ATP13A4: variants seen among roughly 807,000 people sequenced by gnomAD.
ATP13A4 encodes the protein probable cation-transporting ATPase 13A4.
In ATP13A4, 114 loss-of-function variants were observed where a neutral mutation model predicts 142.5. The observed-to-expected ratio is 0.80, with a 90% CI of 0.69 to 0.93. ATP13A4 has a LOEUF of 0.93. Among genes scored for constraint, ATP13A4 ranks in the 40% least tolerant of loss-of-function variants. ATP13A4 has a pLI of 0.00. For synonymous variants in ATP13A4, 488 were observed against 514.8 expected, an observed-to-expected ratio of 0.95 and a Z score of 0.70; for missense variants, 1,392 against 1,454.0, an observed-to-expected ratio of 0.96 and a Z score of 0.69.
intron 1 of ATP13A4, among the ~76,000 whole-genome samples, chr3:193,547,971 G>A (rs1234017693): frequency 6.6e-6 from 1 of 152,200 alleles, no homozygotes; most frequent in Non-Finnish European, 1.5e-5. Flanking sequence ...GGTTAGCACA[G>A]AGGACTCCTG....
intron 26 of ATP13A4, among the ~76,000 whole-genome samples, chr3:193,413,048 G>T (rs562459785): frequency 6.6e-6 from 1 of 152,260 alleles, no homozygotes; most frequent in East Asian, 1.9e-4. Flanking sequence ...GACAACTGTT[G>T]CAGGAAGTCA....
At chr3:193,470,201 G>A (rs1007494750) in intron 9 of ATP13A4, among the ~76,000 whole-genome samples, 6 of 152,292 alleles carry the variant, frequency 3.9e-5, no homozygotes, top group East Asian at 1.9e-4. Flanking sequence ...ATTATGCCAC[G>A]TGAGTGAGAA....
chr3:193,559,054 G>A (rs1030676592), upstream of ATP13A4, among the ~76,000 whole-genome samples: 30 of 152,190 alleles, frequency 2.0e-4, no homozygotes, highest in Non-Finnish European at 1.0e-4. Flanking sequence ...TGCCAGGGCC[G>A]TGGGGATGCT....
At chr3:193,420,993 T>C (rs1715376037) in intron 25 of ATP13A4, among the ~76,000 whole-genome samples, 1 of 149,894 alleles carries the variant, frequency 6.7e-6, no homozygotes, top group Non-Finnish European at 1.5e-5. Flanking sequence ...AAACAAAACA[T>C]TTTATTTAAT....
intron 3 of ATP13A4, among the ~76,000 whole-genome samples, chr3:193,497,295 T>C (rs6808685): frequency 0.032 from 4,871 of 152,162 alleles, 276 homozygotes; most frequent in African/African-American, 0.11. Context: ...GACACACAAA[T>C]GGCTCACAGA....
At chr3:193,534,451 G>C (rs1411187390) in intron 1 of ATP13A4, among the ~76,000 whole-genome samples, 1 of 151,724 alleles carries the variant, frequency 6.6e-6, no homozygotes, top group Non-Finnish European at 1.5e-5. Context: ...TTTTAAAGCA[G>C]CCATTATAAA....
At chr3:193,591,810 TAA>T (rs1724801590) in intron 1 of ATP13A4, among the ~76,000 whole-genome samples, 1 of 152,216 alleles carries the variant, frequency 6.6e-6, no homozygotes, top group Admixed American at 6.5e-5. Flanking sequence ...TTGTTGTTGT[TAA>T]AGTCTCTTGG....
intron 1 of ATP13A4, among the ~76,000 whole-genome samples, chr3:193,545,470 G>A (rs1357735004): frequency 6.6e-6 from 1 of 152,138 alleles, no homozygotes; most frequent in Non-Finnish European, 1.5e-5. Flanking sequence ...TTAGGCTGAG[G>A]GAAAAGTTGA....
intron 25 of ATP13A4, among the ~76,000 whole-genome samples, chr3:193,424,264 A>G (rs1209224341): frequency 6.7e-6 from 1 of 149,402 alleles, no homozygotes; most frequent in Admixed American, 7.0e-5. Flanking sequence ...ACCTAAAACA[A>G]TCTACAGATT....
Position 193,502,501 on chromosome 3 carries a change from C to A in ATP13A4, c.373G>T (p.Asp125Tyr), listed in dbSNP as rs1372690772. Reference sequence around the variant, plus strand: ...GCCATAAGTTTACTTACCTTTAGGTCTGGCTTTCTTATGGCTCTATTTATG... The same window carrying A: ...GCCATAAGTTTACTTACCTTTAGGTATGGCTTTCTTATGGCTCTATTTATG... Reference protein sequence around the residue: ...YIINRAIRKPDLKVRCIKVQK... With the variant: ...YIINRAIRKPYLKVRCIKVQK... Residue 125 changes from aspartate (D) to tyrosine (Y), a missense_variant, in exon 3 of 30, where the codon GAC becomes TAC. Coordinates refer to ENST00000342695, the MANE Select transcript of ATP13A4 (RefSeq NM_032279.4). The A allele has an allele frequency of 6.2e-7, 1 of 1,614,044 alleles. No individual in the cohort carries two copies. The highest frequency in any genetic ancestry group is 1.1e-5 in the South Asian group (1 of 91,072).
chr3:193,499,841 A>G (rs1475884470), intron 3 of ATP13A4, among the ~76,000 whole-genome samples: 3 of 152,204 alleles, frequency 2.0e-5, no homozygotes, highest in South Asian at 2.1e-4. Context: ...ATAAAACATA[A>G]TAGACATGAA....
intron 28 of ATP13A4, 135 bp downstream of exon 28, chr3:193,410,847 C>T: frequency 1.6e-6 from 1 of 633,706 alleles, no homozygotes; most frequent in South Asian, 2.0e-5. Flanking sequence ...ATAAATTTAG[C>T]ATTTTTTTTA....
chr3:193,564,937 C>T (rs968995239), intron 2 of ATP13A4, among the ~76,000 whole-genome samples: 11 of 152,172 alleles, frequency 7.2e-5, no homozygotes, highest in Non-Finnish European at 1.6e-4. Context: ...ATCTAGGTTG[C>T]ATGTTCCTTA....
intron 25 of ATP13A4, among the ~76,000 whole-genome samples, chr3:193,432,466 G>A (rs1375441306): frequency 6.6e-6 from 1 of 152,076 alleles, no homozygotes; most frequent in African/African-American, 2.4e-5. Context: ...TTTATTTACA[G>A]TTGCCCAAAC....
chr3:193,440,438 T>G, intron 21 of ATP13A4, 120 bp downstream of exon 21: 1 of 1,537,610 alleles, frequency 6.5e-7, no homozygotes, highest in South Asian at 1.2e-5. Flanking sequence ...GATTATCTCA[T>G]GCAGCCGAAG....
upstream of ATP13A4, among the ~76,000 whole-genome samples, chr3:193,559,933 T>C (rs139970942): frequency 6.6e-6 from 1 of 152,206 alleles, no homozygotes; most frequent in Non-Finnish European, 1.5e-5. Flanking sequence ...CCAAAAGAGA[T>C]GGTCCCCAGG....
chr3:193,485,020 G>GA (rs951877441), intron 7 of ATP13A4, among the ~76,000 whole-genome samples: 10 of 149,416 alleles, frequency 6.7e-5, no homozygotes, highest in East Asian at 5.8e-4. Flanking sequence ...TCATGAAGAT[G>GA]AAAAAAAAAT....
At chr3:193,499,601 T>C (rs2108674034) in intron 3 of ATP13A4, among the ~76,000 whole-genome samples, 1 of 152,342 alleles carries the variant, frequency 6.6e-6, no homozygotes, top group South Asian at 2.1e-4. Flanking sequence ...GAGTTCAATC[T>C]CTCAAAGGAT....
chr3:193,475,520 G>T lies in ATP13A4; in HGVS notation c.809-4527C>A, dbSNP rs192300736. Among the ~76,000 whole-genome samples, 117 of 151,804 alleles carry T rather than the reference G, an allele frequency of 7.7e-4. No homozygotes were observed. In the Middle Eastern group the frequency reaches 0.01, roughly 13 times the overall value. ...ATATAATCTGTTTATATTTTTAAAT[G>T]TAAGAATAAATAAAAACCAAAGTGA... On this transcript the variant is annotated intron_variant, in intron 8 of 29. Transcript: ENST00000342695.
Sources: allele counts gnomAD v4.1 joint callset (sites outside exome capture counted in the v4.1 genomes callset), GRCh38; gene constraint gnomAD v4.1.1; transcripts MANE v1.5; gene names NCBI Gene and HGNC (gene_info 2026-07-23, HGNC 2026-07-21).